The following NASP variants were observed in gnomAD, a reference collection of about 807,000 sequenced individuals.
NASP encodes nuclear autoantigenic sperm protein.
Under a neutral mutation model 89.5 loss-of-function variants are expected in NASP, and 24 were observed. The ratio of observed to expected loss-of-function variants is 0.27; its 90% CI spans 0.19 to 0.38. NASP has a LOEUF of 0.38. Ranked by LOEUF, NASP falls within the 10% of genes least tolerant of loss-of-function variation. The pLI, the probability that NASP is intolerant of heterozygous loss-of-function variation, is 1.00. For missense variants in NASP, 848 were observed against 921.4 expected, an observed-to-expected ratio of 0.92 and a Z score of 1.03; for synonymous variants, 306 against 324.7, an observed-to-expected ratio of 0.94 and a Z score of 0.62.
intron 2 of NASP, among the ~76,000 whole-genome samples, chr1:45,599,308 C>T (rs572567764): frequency 3.4e-4 from 52 of 152,186 alleles, no homozygotes; most frequent in Non-Finnish European, 6.8e-4. Context: ...TTGTATTTTC[C>T]TATAGAGATG....
chr1:45,607,573 G>A lies in NASP; in HGVS notation c.662G>A (p.Gly221Glu). 6.2e-7 allele frequency: 1 copy of A among 1,613,920 alleles called. No individual in the cohort carries two copies. Residue 221 changes from glycine to glutamate, a missense_variant, in exon 6 of 15, where the codon GGA becomes GAA. Coordinates refer to ENST00000350030, the MANE Select transcript of NASP (RefSeq NM_002482.4). ...GCAAAAGGAGGAGCAGCACCAGAAG[G>A]ACCGAATGAAGCTGAGGTCACTTCT... ...EEAKGGAAPE[G>E]PNEAEVTSGK...
chr1:45,586,291 GTGTGTGT>G (rs1557646621), intron 1 of NASP, among the ~76,000 whole-genome samples: 6,233 of 97,452 alleles, frequency 0.064, 208 homozygotes, highest in East Asian at 0.11. Flanking sequence ...TGTGGTGTGT[GTGTGTGT>G]GTGTGTGTGT....
At chr1:45,586,164 TG>T (rs945495007) in intron 1 of NASP, among the ~76,000 whole-genome samples, 17 of 81,948 alleles carry the variant, frequency 2.1e-4, no homozygotes, top group Admixed American at 1.1e-3. Context: ...TGTGTGGGGG[TG>T]GGGGGGCAGG....
Position 45,607,599 on chromosome 1 carries a change from G to C in NASP, c.688G>C (p.Gly230Arg). 2 of 1,614,012 alleles carry C rather than the reference G, an allele frequency of 1.2e-6. No individual in the cohort carries two copies. The highest frequency in any genetic ancestry group is 1.7e-6 in the Non-Finnish European group (2 of 1,179,938). ...EGPNEAEVTS[G>R]KPEQEVPDAE... is the part of the protein sequence containing the mutation. ...ACCGAATGAAGCTGAGGTCACTTCT[G>C]GGAAGCCAGAACAGGAAGTACCAGA... The change falls in exon 6 of 15, where the codon GGG becomes CGG. Residue 230 changes from glycine to arginine, a missense_variant. Transcript: ENST00000350030.
chr1:45,608,532 T>C, intron 6 of NASP, 195 bp downstream of exon 6: 1 of 613,300 alleles, frequency 1.6e-6, no homozygotes, highest in Non-Finnish European at 2.9e-6. Context: ...AAGTCTTCTT[T>C]AGCTGGCTTA....
intron 2 of NASP, chr1:45,592,792 G>A (rs1643584844): frequency 1.3e-5 from 2 of 152,292 alleles, no homozygotes; most frequent in Non-Finnish European, 2.9e-5. Context: ...TGGGATTACA[G>A]GCGTGAGCCA....
At position 45,611,456 on chromosome 1, in the gene NASP, C is replaced by CTTTTTT. The variant is rs71056317; in HGVS notation, c.1427-1690_1427-1685dup. 9 of 67,640 alleles carry CTTTTTT rather than the reference C, an allele frequency of 1.3e-4. 2 individuals are homozygous for CTTTTTT. The South Asian group carries it at 2.0e-3, about 15-fold the overall frequency. 4.2% of individuals were successfully genotyped at this position (67,640 alleles called of 1,614,324 possible). A position where few individuals can be genotyped will look rare whatever the true frequency, so the allele number is the denominator to read the frequency against. ...GTTAAGGAGAAAGCCATCGCCATTA[C>CTTTTTT]TTTTTTTTTTTTTTTTTTTTTTTTT... On this transcript the variant is annotated intron_variant, in intron 6 of 14. Coordinates refer to ENST00000350030, the MANE Select transcript of NASP (RefSeq NM_002482.4).
At chr1:45,615,280 T>C (rs1557666946) in intron 10 of NASP, 25 bp from the exon 11 acceptor site, 9 of 1,612,570 alleles carry the variant, frequency 5.6e-6, no homozygotes, top group Non-Finnish European at 6.8e-6. Context: ...TTTTGAGCCA[T>C]TACTAATCAC....
intron 1 of NASP, among the ~76,000 whole-genome samples, chr1:45,585,966 TA>T (rs1644527802): frequency 6.6e-6 from 1 of 152,146 alleles, no homozygotes; most frequent in South Asian, 2.1e-4. Context: ...TTTTTTGAGG[TA>T]GAAGTATGCA....
intron 1 of NASP, among the ~76,000 whole-genome samples, chr1:45,587,285 C>G (rs1644566306): frequency 6.6e-6 from 1 of 151,830 alleles, no homozygotes; most frequent in Non-Finnish European, 1.5e-5. Flanking sequence ...CTCCCGGATT[C>G]AAGCAAGTCT....
At chr1:45,610,767 G>A (rs1055958219) in intron 6 of NASP, 3 of 152,212 alleles carry the variant, frequency 2.0e-5, no homozygotes, top group African/African-American at 7.2e-5. Flanking sequence ...GCCCAGCTGG[G>A]GTGCAGTGGT....
chr1:45,589,259 C>A (rs901785024), intron 1 of NASP, among the ~76,000 whole-genome samples: 1 of 152,098 alleles, frequency 6.6e-6, no homozygotes, highest in Non-Finnish European at 1.5e-5. Context: ...TCTGGAGTAG[C>A]TGGGACTACA....
At chr1:45,616,446 C>T in intron 12 of NASP, 53 bp downstream of exon 12, 4 of 1,582,536 alleles carry the variant, frequency 2.5e-6, no homozygotes, top group Non-Finnish European at 3.5e-6. Context: ...AGTGTTGGCT[C>T]ATGCCTGTAA....
intron 6 of NASP, 37 bp from the exon 7 acceptor site, chr1:45,613,132 A>C (rs774497248): frequency 8.2e-6 from 13 of 1,585,126 alleles, no homozygotes; most frequent in Non-Finnish European, 1.0e-5. Flanking sequence ...ATACGTTCTT[A>C]GTTATATTCT....
chr1:45,605,774 G>GTTTTT, intron 4 of NASP: 1 of 129,398 alleles, frequency 7.7e-6, no homozygotes. Context: ...GTTCTGATAA[G>GTTTTT]TTTTTTTTTT....
chr1:45,602,042 G>T (rs549455413), intron 2 of NASP, among the ~76,000 whole-genome samples: 1 of 152,044 alleles, frequency 6.6e-6, no homozygotes, highest in Non-Finnish European at 1.5e-5. Flanking sequence ...ATGAGTCACC[G>T]CACCCAACTG....
rs1643915038 is a variant in NASP, at chr1:45,606,779, A to G, written c.409+188A>G. On this transcript the variant is annotated intron_variant, in intron 5 of 14. Coordinates refer to ENST00000350030, the MANE Select transcript of NASP (RefSeq NM_002482.4). ...GAAGCTGACAGCAGATTTTTGAAAG[A>G]GAATAACTTATTTTCTCAAGTAAAT... 5 of 455,252 alleles carry G rather than the reference A, an allele frequency of 1.1e-5. No individual in the cohort carries two copies. The East Asian group carries it at 1.8e-4, about 16-fold the overall frequency. 28.2% of individuals were successfully genotyped at this position (455,252 alleles called of 1,614,324 possible). A position where few individuals can be genotyped will look rare whatever the true frequency, so the allele number is the denominator to read the frequency against.
intron 2 of NASP, among the ~76,000 whole-genome samples, chr1:45,601,745 A>ATTTTT (rs71056316): frequency 0.037 from 2,554 of 68,950 alleles, 663 homozygotes; most frequent in Non-Finnish European, 0.049. Flanking sequence ...CGTTAAGAGA[A>ATTTTT]TTTTTTTTTT....
intron 2 of NASP, 40 bp downstream of exon 2, chr1:45,591,310 CAT>C (rs1042153169): frequency 7.9e-7 from 1 of 1,269,074 alleles, no homozygotes; most frequent in African/African-American, 1.5e-5. Flanking sequence ...GTATCAGAAA[CAT>C]AAACTAAGAG....
Sources: allele counts gnomAD v4.1 joint callset (sites outside exome capture counted in the v4.1 genomes callset), GRCh38; gene constraint gnomAD v4.1.1; transcripts MANE v1.5; gene names NCBI Gene and HGNC (gene_info 2026-07-23, HGNC 2026-07-21).